The following RPS5 variants were observed in gnomAD, a reference collection of about 807,000 sequenced individuals.
RPS5 encodes ribosomal protein S5.
RPS5 carries 2 observed loss-of-function variants against 20.9 expected under a neutral mutation model. The ratio of observed to expected loss-of-function variants is 0.10; its 90% CI spans 0.04 to 0.30. The LOEUF (loss-of-function observed/expected upper bound fraction) is 0.30. Among genes scored for constraint, RPS5 ranks in the 10% least tolerant of loss-of-function variants. RPS5 has a pLI of 1.00. For missense variants in RPS5, 122 were observed against 287.2 expected, an observed-to-expected ratio of 0.42 and a Z score of 4.16; for synonymous variants, 112 against 105.8, an observed-to-expected ratio of 1.06 and a Z score of -0.36.
intron 2 of RPS5, among the ~76,000 whole-genome samples, 168 bp from the exon 3 acceptor site, chr19:58,392,808 C>T (rs1340496104): frequency 6.6e-6 from 1 of 151,900 alleles, no homozygotes; most frequent in Non-Finnish European, 1.5e-5. Context: ...GGTTTTTTTC[C>T]TCATGGTGGA....
chr19:58,387,905 T>C, intron 1 of RPS5: 1 of 557,138 alleles, frequency 1.8e-6, no homozygotes, highest in Non-Finnish European at 3.2e-6. Flanking sequence ...AGCTGTTGAC[T>C]GGTGGCTGCC....
chr19:58,391,442 A>AAACAAAC (rs1285935830), intron 2 of RPS5, among the ~76,000 whole-genome samples: 1 of 150,922 alleles, frequency 6.6e-6, no homozygotes, highest in African/African-American at 2.4e-5. Flanking sequence ...CAAAAAAAAA[A>AAACAAAC]AAAAAAAAAA....
intron 3 of RPS5, 21 bp downstream of exon 3, chr19:58,393,206 G>T (rs533211173): frequency 6.2e-7 from 1 of 1,613,988 alleles, no homozygotes. Flanking sequence ...GTGGCCTGGT[G>T]AGGGCAGGCT....
intron 1 of RPS5, 188 bp from the exon 2 acceptor site, chr19:58,387,949 A>C: frequency 1.7e-6 from 1 of 591,242 alleles, no homozygotes; most frequent in Non-Finnish European, 3.0e-6. Flanking sequence ...GGTGAAAGAC[A>C]GATGCTTCTT....
chr19:58,390,831 G>A (rs2052358401), intron 2 of RPS5, among the ~76,000 whole-genome samples: 1 of 152,018 alleles, frequency 6.6e-6, no homozygotes, highest in Non-Finnish European at 1.5e-5. Context: ...CTGCGTGAAT[G>A]CCCTTCACGA....
At chr19:58,393,742 T>G (rs8104221) in intron 4 of RPS5, 121,247 of 425,418 alleles carry the variant, frequency 0.29, 19,837 homozygotes, top group Middle Eastern at 0.4. Context: ...ATGTACTTTT[T>G]TTTTTTTTCT....
intron 2 of RPS5, among the ~76,000 whole-genome samples, chr19:58,389,744 C>T (rs546320353): frequency 6.6e-6 from 1 of 152,110 alleles, no homozygotes; most frequent in Non-Finnish European, 1.5e-5. Flanking sequence ...TCAAGCAATG[C>T]TCCCGCCTCA....
rs780690488 is a variant in RPS5, at chr19:58,388,242, G to T, written c.105G>T (p.Leu35=). The T allele has an allele frequency of 6.2e-7, 1 of 1,605,502 alleles. No homozygotes were observed. The highest frequency in any genetic ancestry group is 8.5e-7 in the Non-Finnish European group (1 of 1,174,104). Residue 35 remains leucine, a synonymous_variant, in exon 2 of 6, where the codon CTG becomes CTT. Coordinates refer to ENST00000196551, the MANE Select transcript of RPS5 (RefSeq NM_001009.4). ...ATGTGCAGATCAATGACATTTCCCT[G>T]CAGGTGAGGGGAACTTGGTGATTGG... is the stretch of plus-strand genomic sequence containing the variant. The part of the protein sequence containing the change: ...TDDVQINDIS[L]QDYIAVKEKY...
intron 2 of RPS5, among the ~76,000 whole-genome samples, chr19:58,389,951 A>G (rs943663459): frequency 1.3e-5 from 2 of 151,756 alleles, no homozygotes; most frequent in Non-Finnish European, 2.9e-5. Context: ...CTGGAGTGCA[A>G]TGGTGCGATC....
rs779857795 is a variant in RPS5, at chr19:58,392,943, T to C, written c.109-33T>C. 6 of 1,605,872 alleles carry C rather than the reference T, an allele frequency of 3.7e-6. No individual in the cohort carries two copies. The South Asian group carries it at 6.6e-5, about 18-fold the overall frequency. ...CAACGCCCATGCTGCTCCTGACCATTTTCCCTTCATTTCCTGCTCCCTGCT... is the reference window on the plus strand; with the variant it reads ...CAACGCCCATGCTGCTCCTGACCATCTTCCCTTCATTTCCTGCTCCCTGCT... On this transcript the variant is annotated intron_variant, in intron 2 of 5. Coordinates refer to ENST00000196551, the MANE Select transcript of RPS5 (RefSeq NM_001009.4).
chr19:58,387,931 G>A, intron 1 of RPS5: 1 of 576,934 alleles, frequency 1.7e-6, no homozygotes, highest in South Asian at 2.0e-5. Flanking sequence ...TTGGGCCCAG[G>A]GGTTCTAGGT....
chr19:58,393,530 C>A (rs762547171), intron 4 of RPS5, 43 bp downstream of exon 4: 1 of 1,579,660 alleles, frequency 6.3e-7, no homozygotes, highest in Admixed American at 1.7e-5. Flanking sequence ...GACACAGCCA[C>A]GGGAGTGGGT....
At chr19:58,389,301 A>G (rs6510144) in intron 2 of RPS5, among the ~76,000 whole-genome samples, 15,427 of 151,738 alleles carry the variant, frequency 0.1, 2,671 homozygotes, top group African/African-American at 0.35. Flanking sequence ...AGATAAGATC[A>G]CTCTCTGTCA....
In RPS5 at chr19:58,388,143, C is replaced by T. The variant is rs148033938; in HGVS notation, c.6C>T (p.Thr2=). M[T]EWETAAPAVA... ...TGTCATCACCCTGTCCCAGGATGAC[C>T]GAGTGGGAGACAGCAGCACCAGCGG... Residue 2 remains threonine (T), a synonymous_variant, in exon 2 of 6, where the codon ACC becomes ACT. Coordinates refer to ENST00000196551, the MANE Select transcript of RPS5 (RefSeq NM_001009.4). The T allele has an allele frequency of 6.2e-6, 10 of 1,611,076 alleles. No homozygotes were observed. The highest frequency in any genetic ancestry group is 1.7e-5 in the Admixed American group (1 of 59,894).
chr19:58,390,130 A>C (rs1168480226), intron 2 of RPS5, among the ~76,000 whole-genome samples: 1 of 152,094 alleles, frequency 6.6e-6, no homozygotes, highest in African/African-American at 2.4e-5. Flanking sequence ...TCCTGACTTC[A>C]GGTGATCAGC....
chr19:58,387,594 C>G (rs116550221), intron 1 of RPS5: 2 of 153,052 alleles, frequency 1.3e-5, no homozygotes, highest in Non-Finnish European at 2.9e-5. Flanking sequence ...GTTTCCATTT[C>G]TTAGGGACAC....
At chr19:58,392,214 C>T (rs2052367727) in intron 2 of RPS5, among the ~76,000 whole-genome samples, 1 of 152,006 alleles carries the variant, frequency 6.6e-6, no homozygotes, top group Admixed American at 6.6e-5. Flanking sequence ...ATTCCAGCTA[C>T]TCAGGAGGCT....
chr19:58,388,393 A>G (rs543368941), intron 2 of RPS5, 148 bp downstream of exon 2: 1 of 644,180 alleles, frequency 1.6e-6, no homozygotes, highest in East Asian at 2.7e-5. Context: ...CATCTACCAC[A>G]TCTGCTCTTA....
intron 2 of RPS5, among the ~76,000 whole-genome samples, chr19:58,392,359 C>T (rs773926368): frequency 2.0e-5 from 3 of 151,566 alleles, no homozygotes; most frequent in Non-Finnish European, 4.4e-5. Context: ...GGCGCAGTGG[C>T]TCATGCCTGT....
Sources: allele counts gnomAD v4.1 joint callset (sites outside exome capture counted in the v4.1 genomes callset), GRCh38; gene constraint gnomAD v4.1.1; transcripts MANE v1.5; gene names NCBI Gene and HGNC (gene_info 2026-07-23, HGNC 2026-07-21).